Variants in TPST2 observed in about 807,000 individuals in gnomAD.
The protein encoded by TPST2 is tyrosylprotein sulfotransferase 2.
Under a neutral mutation model 27.8 loss-of-function variants are expected in TPST2, and 16 were observed. The observed-to-expected ratio is 0.58, with a 90% CI of 0.39 to 0.88. TPST2 has a LOEUF of 0.88. Ranked by LOEUF, TPST2 falls within the 40% of genes least tolerant of loss-of-function variation. TPST2 has a pLI of 0.00. For missense variants in TPST2, 464 were observed against 543.1 expected (o/e 0.85, Z 1.45); for synonymous variants, 229 against 231.7 (o/e 0.99, Z 0.10).
At chr22:26,536,578 G>A in intron 3 of TPST2, 92 bp from the exon 4 acceptor site, 1 of 1,261,744 alleles carries the variant, frequency 7.9e-7, no homozygotes, top group Non-Finnish European at 1.1e-6. Flanking sequence ...CAGCAGGAAA[G>A]ACTGGAGAAA....
chr22:26,588,944 C>T (rs1288342833), intron 1 of TPST2, among the ~76,000 whole-genome samples: 1 of 152,156 alleles, frequency 6.6e-6, no homozygotes, highest in Non-Finnish European at 1.5e-5. Flanking sequence ...AGAAAAAGGG[C>T]TGGCTAACTC....
chr22:26,569,384 T>C (rs191941601), intron 1 of TPST2, among the ~76,000 whole-genome samples: 31 of 152,348 alleles, frequency 2.0e-4, no homozygotes, highest in African/African-American at 7.2e-4. Flanking sequence ...CAGCTATTGA[T>C]CCAGGTGCTG....
chr22:26,552,751 T>G (rs1926550181), intron 1 of TPST2, among the ~76,000 whole-genome samples: 1 of 152,128 alleles, frequency 6.6e-6, no homozygotes, highest in South Asian at 2.1e-4. Context: ...GCCAACCCCC[T>G]GGTCTATATC....
intron 1 of TPST2, among the ~76,000 whole-genome samples, chr22:26,589,601 G>A (rs998368931): frequency 2.0e-5 from 3 of 152,298 alleles, no homozygotes; most frequent in Admixed American, 1.3e-4. Context: ...CTCCACTTCT[G>A]ACGCTCCTCG....
chr22:26,567,647 A>G (rs1927432205), intron 1 of TPST2, among the ~76,000 whole-genome samples: 1 of 152,242 alleles, frequency 6.6e-6, no homozygotes, highest in Admixed American at 6.5e-5. Context: ...ATGCATGAAA[A>G]AAGATATTTA....
rs960619928 is a variant in TPST2 at position 26,541,932 on chromosome 22, G to T, written c.-88-214C>A. 1.3e-5 allele frequency among the ~76,000 whole-genome samples: 2 copies of T among 152,062 alleles called. No individual in the cohort carries two copies. Among genetic ancestry groups the T allele is most frequent in the African/African-American group, 2.4e-5 (1 of 41,388 alleles). On this transcript the variant is annotated intron_variant, in intron 2 of 6. Coordinates refer to ENST00000338754, the MANE Select transcript of TPST2 (RefSeq NM_003595.5). This position sits in a 1 kb window ranked among gnomAD's most constrained non-coding sequence, Gnocchi z 5.9. ...AGATGGGGTCTCACCATGTTTCCCA[G>T]GCTGCTCTTGAACTCGTGGGCCTGG...
At position 26,575,093 on chromosome 22, in the gene TPST2, G is replaced by A. The variant is rs151239301; in HGVS notation, c.-161+14960C>T. On this transcript the variant is annotated intron_variant, in intron 1 of 6. Coordinates refer to ENST00000338754, the MANE Select transcript of TPST2 (RefSeq NM_003595.5). ...CCTAGATGCAGGGGTAAGAATCTAG[G>A]TTTGACTCCCGCCCCTCCACTTCCC... Among the ~76,000 whole-genome samples, 43 of 152,108 alleles carry A rather than the reference G, an allele frequency of 2.8e-4. 1 individual carries two copies. In the Middle Eastern group the frequency reaches 0.014, roughly 48 times the overall value.
intron 3 of TPST2, among the ~76,000 whole-genome samples, chr22:26,537,263 G>A (rs1209004554): frequency 6.6e-6 from 1 of 152,150 alleles, no homozygotes; most frequent in Non-Finnish European, 1.5e-5. Flanking sequence ...GCAAACCAGG[G>A]AGCCAGATTG....
intron 1 of TPST2, among the ~76,000 whole-genome samples, chr22:26,578,702 G>A (rs1433640480): frequency 6.6e-6 from 1 of 152,088 alleles, no homozygotes; most frequent in Non-Finnish European, 1.5e-5. Context: ...GCTCAACACA[G>A]GGGTGCACTG....
intron 1 of TPST2, among the ~76,000 whole-genome samples, chr22:26,571,368 C>T (rs570159955): frequency 6.6e-6 from 1 of 152,300 alleles, no homozygotes; most frequent in East Asian, 1.9e-4. Context: ...TTCTGATCAA[C>T]CAGTTAGTGC....
chr22:26,559,706 CGTTA>C (rs1569189705), intron 1 of TPST2, among the ~76,000 whole-genome samples: 2 of 152,180 alleles, frequency 1.3e-5, no homozygotes, highest in Non-Finnish European at 2.9e-5. Flanking sequence ...AAGGTTCATC[CGTTA>C]GTTTTGATTT....
intron 1 of TPST2, among the ~76,000 whole-genome samples, chr22:26,563,636 C>T (rs1927236653): frequency 6.6e-6 from 1 of 152,170 alleles, no homozygotes. Flanking sequence ...GCCCTCCCTC[C>T]CTCTTCTTAA....
In TPST2 at chr22:26,524,186, A is replaced by T. The variant is rs1315874497; in HGVS notation, c.*2089T>A. 2 of 152,142 alleles carry T rather than the reference A, an allele frequency of 1.3e-5. No homozygotes were observed. Among genetic ancestry groups the T allele is most frequent in the Non-Finnish European group, 2.9e-5 (2 of 68,038 alleles). 9.4% of individuals were successfully genotyped at this position (152,142 alleles called of 1,614,324 possible). A position where few individuals can be genotyped will look rare whatever the true frequency, so the allele number is the denominator to read the frequency against. On this transcript the variant is annotated 3_prime_UTR_variant, in exon 7 of 7. Transcript: ENST00000338754. Reference sequence around the variant, plus strand: ...AGGGTCACACCTTCAAAAAAGCCTAATTTCCATTCCAGAGCAATCTCAAGA... The same window carrying T: ...AGGGTCACACCTTCAAAAAAGCCTATTTTCCATTCCAGAGCAATCTCAAGA...
chr22:26,562,881 C>G (rs953940879), intron 1 of TPST2, among the ~76,000 whole-genome samples: 1 of 152,192 alleles, frequency 6.6e-6, no homozygotes, highest in South Asian at 2.1e-4. Flanking sequence ...CCTCGGCCTC[C>G]CAAAGTGCTG....
At chr22:26,564,077 G>A (rs548066423) in intron 1 of TPST2, among the ~76,000 whole-genome samples, 5 of 152,166 alleles carry the variant, frequency 3.3e-5, no homozygotes, top group Non-Finnish European at 7.3e-5. Flanking sequence ...GGAGGTTGCC[G>A]TTTTTGCCAA....
chr22:26,560,071 C>T (rs928281558), intron 1 of TPST2, among the ~76,000 whole-genome samples: 9 of 152,174 alleles, frequency 5.9e-5, no homozygotes, highest in African/African-American at 2.2e-4. Flanking sequence ...CTCGGGAATG[C>T]AGAGCCAGCA....
chr22:26,557,232 C>T (rs548942224), intron 1 of TPST2, among the ~76,000 whole-genome samples: 1 of 152,346 alleles, frequency 6.6e-6, no homozygotes, highest in South Asian at 2.1e-4. Flanking sequence ...GGAAAGCAAA[C>T]ATCCGCAGTG....
chr22:26,584,657 C>T lies in TPST2; in HGVS notation c.-161+5396G>A, dbSNP rs924992631. Among the ~76,000 whole-genome samples the T allele has an allele frequency of 4.6e-5, 7 of 152,110 alleles. No individual in the cohort carries two copies. The South Asian group carries it at 1.2e-3, about 27-fold the overall frequency. Reference sequence around the variant, plus strand: ...TCCAGCCTAGGCAACAGAGCAAGACCCTGTCTCAAAACAAACAAACAAAAA... The same window carrying T: ...TCCAGCCTAGGCAACAGAGCAAGACTCTGTCTCAAAACAAACAAACAAAAA... On this transcript the variant is annotated intron_variant, in intron 1 of 6. Coordinates refer to ENST00000338754, the MANE Select transcript of TPST2 (RefSeq NM_003595.5).
At chr22:26,587,811 A>G (rs1439702426) in intron 1 of TPST2, among the ~76,000 whole-genome samples, 1 of 151,866 alleles carries the variant, frequency 6.6e-6, no homozygotes, top group Non-Finnish European at 1.5e-5. Flanking sequence ...AACAGGTTAA[A>G]CCTGGGTGCA....
Sources: allele counts gnomAD v4.1 joint callset (sites outside exome capture counted in the v4.1 genomes callset), GRCh38; gene constraint gnomAD v4.1.1; non-coding constraint Gnocchi (gnomAD v3.1); transcripts MANE v1.5; gene names NCBI Gene and HGNC (gene_info 2026-07-23, HGNC 2026-07-21).